CYP2E1: variants seen among roughly 807,000 people sequenced by gnomAD.
The protein encoded by CYP2E1 is cytochrome P450 2E1.
A neutral mutation model predicts 42.9 loss-of-function variants in CYP2E1; 31 were observed. The observed-to-expected ratio is 0.72, with a 90% CI of 0.54 to 0.98. The LOEUF (loss-of-function observed/expected upper bound fraction) is 0.98. Ranked by LOEUF, CYP2E1 falls within the 50% of genes least tolerant of loss-of-function variation. CYP2E1 has a pLI of 0.00. For missense variants in CYP2E1, 565 were observed against 633.2 expected, an observed-to-expected ratio of 0.89 and a Z score of 1.16; for synonymous variants, 244 against 248.9, an observed-to-expected ratio of 0.98 and a Z score of 0.19.
chr10:133,536,379 G>T (rs1238180988), intron 6 of CYP2E1, among the ~76,000 whole-genome samples: 1 of 151,854 alleles, frequency 6.6e-6, no homozygotes, highest in East Asian at 1.9e-4. Context: ...GTAGGGGAGT[G>T]GATGGATGGC....
chr10:133,534,994 A>G (rs1378985333), intron 6 of CYP2E1, among the ~76,000 whole-genome samples: 2 of 151,736 alleles, frequency 1.3e-5, no homozygotes, highest in Non-Finnish European at 2.9e-5. Context: ...CCTCCCAAGT[A>G]ACTGGGCCAC....
intron 8 of CYP2E1, among the ~76,000 whole-genome samples, chr10:133,538,169 TG>T (rs1851428605): frequency 6.6e-6 from 1 of 152,208 alleles, no homozygotes; most frequent in African/African-American, 2.4e-5. Context: ...TGCTAAATTT[TG>T]TTTCTATTTT....
At chr10:133,534,866 T>TA (rs1851378852) in intron 6 of CYP2E1, among the ~76,000 whole-genome samples, 3 of 47,726 alleles carry the variant, frequency 6.3e-5, no homozygotes, top group African/African-American at 1.6e-4. Context: ...TTTTATTTAT[T>TA]TATTTTTTTT....
rs763399430 is a variant in CYP2E1, at chr10:133,533,747, G to A, written c.826-9G>A. The A allele has an allele frequency of 4.3e-6, 7 of 1,613,616 alleles. No individual in the cohort carries two copies. The African/African-American group carries it at 6.7e-5, about 15-fold the overall frequency. ...CCCCTTCTCCTCCGGTCTGTCTCCG[G>A]TATCACAGGAAAAGCACAGTGCAGA... is the stretch of plus-strand genomic sequence containing the variant. On this transcript the variant is annotated splice_polypyrimidine_tract_variant and intron_variant, in intron 5 of 8. Transcript: ENST00000252945.
chr10:133,530,816 G>C (rs1208047860), intron 2 of CYP2E1, among the ~76,000 whole-genome samples: 1 of 152,198 alleles, frequency 6.6e-6, no homozygotes, highest in Admixed American at 6.5e-5. Context: ...CAGGGGAACA[G>C]GGATCATTTC....
rs941058255 is a variant in CYP2E1 at position 133,528,857 on chromosome 10, T to C, written c.337+217T>C. Reference sequence around the variant, plus strand: ...CCCAGGAATCCGGCCTCTCGGCGACTGTGCGGGAGAGTTTATGGGGATGGG... The same window carrying C: ...CCCAGGAATCCGGCCTCTCGGCGACCGTGCGGGAGAGTTTATGGGGATGGG... On this transcript the variant is annotated intron_variant, in intron 2 of 8. Transcript: ENST00000252945. 1.3e-5 allele frequency among the ~76,000 whole-genome samples: 2 copies of C among 152,258 alleles called. 1 individual carries two copies. Among genetic ancestry groups the C allele is most frequent in the African/African-American group, 4.8e-5 (2 of 41,476 alleles).
intron 7 of CYP2E1, 66 bp downstream of exon 7, chr10:133,537,316 G>A: frequency 1.3e-6 from 2 of 1,547,044 alleles, no homozygotes; most frequent in Non-Finnish European, 1.8e-6. Flanking sequence ...CTTCCTGCCA[G>A]GGAGCAGGAT....
chr10:133,538,083 C>T (rs1389876802), intron 8 of CYP2E1, among the ~76,000 whole-genome samples, 191 bp downstream of exon 8: 1 of 135,830 alleles, frequency 7.4e-6, no homozygotes, highest in Non-Finnish European at 1.6e-5. Flanking sequence ...CATCTTTTAG[C>T]AGCAATCCTG....
chr10:133,537,622 C>G (rs1851421318), intron 7 of CYP2E1, 129 bp from the exon 8 acceptor site: 7 of 796,188 alleles, frequency 8.8e-6, no homozygotes, highest in Non-Finnish European at 1.2e-5. Context: ...CACTAAGCAA[C>G]TCCTTCAACT....
Position 133,533,996 on chromosome 10 carries a change from T to TTAGCTCCTGCCTGA in CYP2E1, c.967+99_967+100insTAGCTCCTGCCTGA. ...CTGCAGCTTTCTGTCTGAAGCTGCT[T>TTAGCTCCTGCCTGA]GTTAACCCTCATGGTGATGTGGTGA... is the stretch of plus-strand genomic sequence containing the variant. On this transcript the variant is annotated intron_variant, in intron 6 of 8. Coordinates refer to ENST00000252945, the MANE Select transcript of CYP2E1 (RefSeq NM_000773.4). The TTAGCTCCTGCCTGA allele has an allele frequency of 1.5e-6, 2 of 1,310,476 alleles. 1 individual carries two copies. The allele number at this position is 1,310,476 out of a possible 1,614,324, so 81.2% of individuals were successfully genotyped here. A position where few individuals can be genotyped will look rare whatever the true frequency, so the allele number is the denominator to read the frequency against.
chr10:133,532,069 G>T, intron 3 of CYP2E1, 55 bp from the exon 4 acceptor site: 5 of 1,555,128 alleles, frequency 3.2e-6, no homozygotes, highest in Non-Finnish European at 4.4e-6. Context: ...GACTGAGCAG[G>T]TGGAGGAGTC....
At position 133,528,596 on chromosome 10, in the gene CYP2E1, C is replaced by T. The variant is rs776646693; in HGVS notation, c.293C>T (p.Ser98Leu). 2.9e-5 allele frequency: 47 copies of T among 1,613,316 alleles called. 1 individual carries two copies. Among genetic ancestry groups the T allele is most frequent in the Middle Eastern group, 1.6e-4 (1 of 6,072 alleles). The change falls in exon 2 of 9, where the codon TCG (serine) becomes TTG (leucine). Residue 98 changes from serine (S) to leucine (L), a missense_variant. Physicochemically the swap from Ser to Leu is moderately radical, Grantham distance 145. Coordinates refer to ENST00000252945, the MANE Select transcript of CYP2E1 (RefSeq NM_000773.4). ...EALLDYKDEFSGRGDLPAFHA... is the reference protein window; with the variant it reads ...EALLDYKDEFLGRGDLPAFHA... Reference sequence around the variant, plus strand: ...CTGCTGGACTACAAGGACGAGTTCTCGGGCAGAGGCGACCTCCCCGCGTTC... The same window carrying T: ...CTGCTGGACTACAAGGACGAGTTCTTGGGCAGAGGCGACCTCCCCGCGTTC...
chr10:133,538,013 C>T, intron 8 of CYP2E1, 121 bp downstream of exon 8: 1 of 950,346 alleles, frequency 1.1e-6, no homozygotes, highest in Non-Finnish European at 1.6e-6. Context: ...CACTGTGTGC[C>T]CTGTTTCTAT....
In CYP2E1 at chr10:133,528,627, G is replaced by C. The variant is rs1449283561; in HGVS notation, c.324G>C (p.Ala108=). 3 of 1,613,250 alleles carry C rather than the reference G, an allele frequency of 1.9e-6. No individual in the cohort carries two copies. The highest frequency in any genetic ancestry group is 2.2e-5 in the South Asian group (2 of 91,076). The change falls in exon 2 of 9, where the codon GCG becomes GCC. Residue 108 remains alanine, a synonymous_variant. Transcript: ENST00000252945. ...SGRGDLPAFH[A]HRDRGIIFNN... ...GAGGCGACCTCCCCGCGTTCCATGCGCACAGGGACAGGGGTGAGTCCGCGT... is the reference window on the plus strand; with the variant it reads ...GAGGCGACCTCCCCGCGTTCCATGCCCACAGGGACAGGGGTGAGTCCGCGT...
At position 133,537,819 on chromosome 10, in the gene CYP2E1, G is replaced by GT. The variant is rs1308509521; in HGVS notation, c.1227dup (p.Lys410Ter). 4 of 1,613,824 alleles carry GT rather than the reference G, an allele frequency of 2.5e-6. No homozygotes were observed. The highest frequency in any genetic ancestry group is 3.4e-6 in the Non-Finnish European group (4 of 1,179,894). On this transcript the variant is annotated frameshift_variant, in exon 8 of 9. Transcript: ENST00000252945. LOFTEE classifies it high-confidence loss of function. Reference sequence around the variant, plus strand: ...ACCAAGAATTTCCTGATCCAGAAAAGTTTAAGCCAGAACACTTCCTGAATG... The same window carrying GT: ...ACCAAGAATTTCCTGATCCAGAAAAGTTTTAAGCCAGAACACTTCCTGAATG...
chr10:133,532,628 G>C, intron 4 of CYP2E1, 64 bp from the exon 5 acceptor site: 1 of 1,394,668 alleles, frequency 7.2e-7, no homozygotes, highest in Non-Finnish European at 9.8e-7. Flanking sequence ...AAAGTTGTTG[G>C]TCCAACACAC....
chr10:133,536,585 A>AGG (rs1217936829), intron 6 of CYP2E1, among the ~76,000 whole-genome samples: 1 of 16,112 alleles, frequency 6.2e-5, no homozygotes, highest in Non-Finnish European at 1.3e-4. Context: ...AGGTGGATGG[A>AGG]GGGATGGCTG....
chr10:133,528,495 C>T lies in CYP2E1; in HGVS notation c.192C>T (p.Phe64=). Residue 64 remains phenylalanine (F), a synonymous_variant, in exon 2 of 9, where the codon TTC becomes TTT. Transcript: ENST00000252945. ...GGTCTCCGCAGTTGGCCCAGCGCTTCGGGCCGGTGTTCACGCTGTACGTGG... is the reference window on the plus strand; with the variant it reads ...GGTCTCCGCAGTTGGCCCAGCGCTTTGGGCCGGTGTTCACGCTGTACGTGG... ...PKSFTRLAQR[F]GPVFTLYVGS... The T allele has an allele frequency of 6.2e-7, 1 of 1,613,154 alleles. No homozygotes were observed. Among genetic ancestry groups the T allele is most frequent in the Non-Finnish European group, 8.5e-7 (1 of 1,179,912 alleles).
rs9919378 is a variant in CYP2E1 at position 133,531,889 on chromosome 10, G to T, written c.487+155G>T. On this transcript the variant is annotated intron_variant, in intron 3 of 8. Coordinates refer to ENST00000252945, the MANE Select transcript of CYP2E1 (RefSeq NM_000773.4). Reference sequence around the variant, plus strand: ...CAGATACTGCATTTTACAACTCTAGGTTCCAGCTACACAGTTCAGGGAGCA... The same window carrying T: ...CAGATACTGCATTTTACAACTCTAGTTTCCAGCTACACAGTTCAGGGAGCA... 28,757 of 841,912 alleles carry T rather than the reference G, an allele frequency of 0.034. 1,546 individuals are homozygous for T. The highest frequency in any genetic ancestry group is 0.21 in the African/African-American group (12,045 of 58,216). 52.2% of individuals were successfully genotyped at this position (841,912 alleles called of 1,614,324 possible).
Sources: allele counts gnomAD v4.1 joint callset (sites outside exome capture counted in the v4.1 genomes callset), GRCh38; gene constraint gnomAD v4.1.1; transcripts MANE v1.5; gene names NCBI Gene and HGNC (gene_info 2026-07-23, HGNC 2026-07-21).